NAV2: variants seen among roughly 807,000 people sequenced by gnomAD.
NAV2 encodes the protein helicase, APC down-regulated 1.
NAV2 carries 54 observed loss-of-function variants against 223.2 expected under a neutral mutation model. The observed-to-expected ratio is 0.24, with a 90% CI of 0.19 to 0.30. NAV2 has a LOEUF of 0.30. NAV2 is among the 10% of genes least tolerant of loss of function. NAV2 has a pLI of 1.00. For synonymous variants in NAV2, 1,279 were observed against 1,239.3 expected (o/e 1.03, Z -0.67); for missense variants, 2,806 against 3,147.5 (o/e 0.89, Z 2.60).
chr11:20,051,398 C>T, intron 17 of NAV2, 65 bp downstream of exon 17: 1 of 1,483,924 alleles, frequency 6.7e-7, no homozygotes, highest in South Asian at 1.1e-5. Flanking sequence ...CTGTGTGACT[C>T]CTTCATGGCT....
At chr11:19,825,625 A>G (rs1257533387) in intron 1 of NAV2, among the ~76,000 whole-genome samples, 1 of 152,212 alleles carries the variant, frequency 6.6e-6, no homozygotes, top group Admixed American at 6.5e-5. Context: ...GTTGTTTTGC[A>G]GAATTTTTCT....
intron 1 of NAV2, among the ~76,000 whole-genome samples, chr11:19,589,128 C>T (rs1185443594): frequency 6.6e-6 from 1 of 152,110 alleles, no homozygotes; most frequent in Non-Finnish European, 1.5e-5. Flanking sequence ...AGCTCACAGT[C>T]TAGAGGGAGA....
chr11:19,698,955 C>T (rs1272860638), intron 1 of NAV2, among the ~76,000 whole-genome samples: 4 of 152,164 alleles, frequency 2.6e-5, no homozygotes, highest in Admixed American at 2.6e-4. Context: ...ATGACTTAGC[C>T]CCCTGCCTTA....
chr11:19,389,977 C>G (rs1849186005), intron 1 of NAV2, among the ~76,000 whole-genome samples: 1 of 152,186 alleles, frequency 6.6e-6, no homozygotes, highest in Non-Finnish European at 1.5e-5. Flanking sequence ...GCTCTGTGAC[C>G]CTAGCCATGT....
intron 36 of NAV2, among the ~76,000 whole-genome samples, chr11:20,109,443 G>A (rs927478600): frequency 3.3e-5 from 5 of 152,196 alleles, no homozygotes; most frequent in Non-Finnish European, 5.9e-5. Flanking sequence ...AGTCACTGGC[G>A]TGGATAAATT....
intron 3 of NAV2, among the ~76,000 whole-genome samples, chr11:19,853,625 G>A (rs1421851771): frequency 6.6e-6 from 1 of 152,134 alleles, no homozygotes; most frequent in African/African-American, 2.4e-5. Context: ...TTCCTGCCTT[G>A]TACATTCTTT....
Position 19,876,217 on chromosome 11 carries a change from G to A in NAV2, c.512-3652G>A, listed in dbSNP as rs540950356. ...ATTTTTTTGTATTTTTAGTAGAGAC[G>A]GTGTTTCACCATGTGAGCCAGGCTG... On this transcript the variant is annotated intron_variant, in intron 4 of 37. Transcript: ENST00000349880. 5.9e-5 allele frequency among the ~76,000 whole-genome samples: 9 copies of A among 152,124 alleles called. 1 individual carries two copies. The South Asian group carries it at 1.7e-3, about 28-fold the overall frequency.
intron 1 of NAV2, among the ~76,000 whole-genome samples, chr11:19,504,584 C>T (rs1345938866): frequency 6.6e-6 from 1 of 152,140 alleles, no homozygotes; most frequent in Non-Finnish European, 1.5e-5. Context: ...TGGAGCTATC[C>T]TATCTGAGAG....
chr11:19,942,242 T>C (rs532951642), intron 8 of NAV2, among the ~76,000 whole-genome samples: 1 of 152,314 alleles, frequency 6.6e-6, no homozygotes, highest in East Asian at 1.9e-4. Context: ...TAATTGGCAG[T>C]TTAGAACGTG....
At chr11:19,830,901 T>C (rs1367272396) in intron 1 of NAV2, among the ~76,000 whole-genome samples, 1 of 152,190 alleles carries the variant, frequency 6.6e-6, no homozygotes, top group Non-Finnish European at 1.5e-5. Context: ...CTTTACTGGA[T>C]CGTTGGTCTC....
intron 1 of NAV2, among the ~76,000 whole-genome samples, chr11:19,479,206 T>A (rs1027720652): frequency 6.6e-6 from 1 of 152,070 alleles, no homozygotes; most frequent in African/African-American, 2.4e-5. Context: ...TGATGGGAAA[T>A]TAATGATGAG....
intron 1 of NAV2, among the ~76,000 whole-genome samples, chr11:19,658,211 G>A (rs2048181074): frequency 6.6e-6 from 1 of 152,156 alleles, no homozygotes; most frequent in African/African-American, 2.4e-5. Flanking sequence ...GAGAGGTTGA[G>A]TAACCTGCCT....
At chr11:19,897,903 T>TATATATATATATATATATATATACAC (rs927166131) in intron 6 of NAV2, among the ~76,000 whole-genome samples, 1 of 147,524 alleles carries the variant, frequency 6.8e-6, no homozygotes, top group African/African-American at 2.6e-5. Flanking sequence ...TATATATATA[T>TATATATATATATATATATATATACAC]ATGTGAGCAG....
At chr11:20,085,044 A>C (rs1592064807) in intron 26 of NAV2, among the ~76,000 whole-genome samples, 1 of 145,206 alleles carries the variant, frequency 6.9e-6, no homozygotes, top group Admixed American at 6.9e-5. Context: ...ATTTTTTTTA[A>C]TCGGTCAGGC....
At chr11:20,002,691 G>A (rs1340084229) in intron 11 of NAV2, among the ~76,000 whole-genome samples, 2 of 152,136 alleles carry the variant, frequency 1.3e-5, no homozygotes, top group African/African-American at 4.8e-5. Context: ...CCAACCACTT[G>A]TTTTCCAGGC....
chr11:19,762,681 T>C (rs2054861678), intron 1 of NAV2, among the ~76,000 whole-genome samples: 1 of 151,218 alleles, frequency 6.6e-6, no homozygotes, highest in Non-Finnish European at 1.5e-5. Context: ...TGGCATGATC[T>C]TGGCTCACTG....
Position 20,068,228 on chromosome 11 carries a change from G to A in NAV2, c.4908+19G>A. On this transcript the variant is annotated intron_variant, in intron 21 of 37. Transcript: ENST00000349880. ...GTCAGAGGTAAGGAACAGCTTTCTGGTTGGATTTCCTCTTTAAGTATTGTC... is the reference window on the plus strand; with the variant it reads ...GTCAGAGGTAAGGAACAGCTTTCTGATTGGATTTCCTCTTTAAGTATTGTC... 3.1e-6 allele frequency: 5 copies of A among 1,613,890 alleles called. No individual in the cohort carries two copies. In the South Asian group the frequency reaches 3.3e-5, roughly 11 times the overall value.
chr11:20,004,277 A>G (rs1361846752), intron 11 of NAV2, among the ~76,000 whole-genome samples: 3 of 152,230 alleles, frequency 2.0e-5, no homozygotes, highest in Admixed American at 1.3e-4. Flanking sequence ...TAAGCTTGCC[A>G]GGCTAAAATA....
At chr11:19,770,078 A>C (rs1032796940) in intron 1 of NAV2, among the ~76,000 whole-genome samples, 5 of 152,132 alleles carry the variant, frequency 3.3e-5, no homozygotes, top group African/African-American at 1.2e-4. Flanking sequence ...AGACAAATGC[A>C]ACCCAGTGAG....
Sources: gnomAD v4.1 joint callset for allele counts (sites outside exome capture counted in the v4.1 genomes callset) on GRCh38, gnomAD v4.1.1 for gene constraint, MANE v1.5 for transcripts, NCBI Gene and HGNC (gene_info 2026-07-23, HGNC 2026-07-21) for gene names.